MNAT1: variants seen among roughly 807,000 people sequenced by gnomAD.
MNAT1 encodes CDK-activating kinase assembly factor MAT1.
Under a neutral mutation model 42.0 loss-of-function variants are expected in MNAT1, and 43 were observed. That is an observed-to-expected ratio of 1.02 (90% CI 0.80 to 1.32). MNAT1 has a LOEUF of 1.32. Among genes scored for constraint, MNAT1 ranks in the 40% most tolerant of loss-of-function variants. MNAT1 has a pLI of 0.00. For synonymous variants in MNAT1, 118 were observed against 120.0 expected (o/e 0.98, Z 0.11); for missense variants, 306 against 350.4 (o/e 0.87, Z 1.01).
At chr14:60,768,969 A>AT (rs902039534) in intron 1 of MNAT1, among the ~76,000 whole-genome samples, 1 of 152,186 alleles carries the variant, frequency 6.6e-6, no homozygotes, top group Non-Finnish European at 1.5e-5. Flanking sequence ...TTTTTAAGTT[A>AT]TTTTTTTGCA....
At chr14:60,928,474 T>G (rs1278627000) in intron 7 of MNAT1, among the ~76,000 whole-genome samples, 2 of 152,230 alleles carry the variant, frequency 1.3e-5, no homozygotes, top group Non-Finnish European at 2.9e-5. Context: ...ACATTCCTAC[T>G]GGCATGAGGG....
At chr14:60,955,209 A>G (rs1487606921) in intron 7 of MNAT1, among the ~76,000 whole-genome samples, 1 of 152,120 alleles carries the variant, frequency 6.6e-6, no homozygotes, top group East Asian at 1.9e-4. Flanking sequence ...TATTAGGGTA[A>G]TGCAGGCCTC....
chr14:60,801,736 A>G (rs1279773810), intron 3 of MNAT1, among the ~76,000 whole-genome samples: 1 of 152,190 alleles, frequency 6.6e-6, no homozygotes, highest in Non-Finnish European at 1.5e-5. Context: ...GGGAATGTGA[A>G]TTAGTACAGC....
chr14:60,824,951 C>G (rs1247313516), intron 6 of MNAT1, among the ~76,000 whole-genome samples: 3 of 151,424 alleles, frequency 2.0e-5, no homozygotes, highest in East Asian at 3.9e-4. Flanking sequence ...TCACTTACCC[C>G]CACCCCATTG....
rs186265585 is a variant in MNAT1, at chr14:60,927,556, T to C, written c.810-40673T>C. Reference sequence around the variant, plus strand: ...ACAAGGGTGCCCTGTACTTGGAGTTTAATACTCTGTGGTTGTCATCTTGAA... The same window carrying C: ...ACAAGGGTGCCCTGTACTTGGAGTTCAATACTCTGTGGTTGTCATCTTGAA... On this transcript the variant is annotated intron_variant, in intron 7 of 7. Coordinates refer to ENST00000261245, the MANE Select transcript of MNAT1 (RefSeq NM_002431.4). Among the ~76,000 whole-genome samples the C allele has an allele frequency of 4.6e-5, 7 of 152,324 alleles. No homozygotes were observed. In the East Asian group the frequency reaches 1.4e-3, roughly 29 times the overall value.
In MNAT1 at chr14:60,838,943, C is replaced by T. The variant is rs907726194; in HGVS notation, c.687+20096C>T. 3.3e-5 allele frequency among the ~76,000 whole-genome samples: 5 copies of T among 152,288 alleles called. No individual in the cohort carries two copies. The South Asian group carries it at 8.3e-4, about 25-fold the overall frequency. ...ACCTGCCAGCCCCCTGTCACCTCAG[C>T]CCCCTCTGGACTTTGGGGAATGAGG... On this transcript the variant is annotated intron_variant, in intron 6 of 7. Coordinates refer to ENST00000261245, the MANE Select transcript of MNAT1 (RefSeq NM_002431.4).
At chr14:60,778,422 G>A (rs369226975) in intron 1 of MNAT1, among the ~76,000 whole-genome samples, 147 of 152,240 alleles carry the variant, frequency 9.7e-4, no homozygotes, top group African/African-American at 3.4e-3. Flanking sequence ...CCTAGTGGGG[G>A]AAGATCAAGT....
At chr14:60,893,047 G>C (rs905881046) in intron 7 of MNAT1, among the ~76,000 whole-genome samples, 1 of 151,934 alleles carries the variant, frequency 6.6e-6, no homozygotes, top group Non-Finnish European at 1.5e-5. Flanking sequence ...TTTTAAAAAA[G>C]ATATTAGTCT....
At chr14:60,888,143 C>A (rs1217977330) in intron 7 of MNAT1, among the ~76,000 whole-genome samples, 4 of 139,210 alleles carry the variant, frequency 2.9e-5, no homozygotes, top group East Asian at 2.1e-4. Flanking sequence ...GAGACACAAC[C>A]AAAAAAGAGA....
At chr14:60,882,377 C>A (rs995851264) in intron 7 of MNAT1, among the ~76,000 whole-genome samples, 8 of 152,130 alleles carry the variant, frequency 5.3e-5, no homozygotes, top group Non-Finnish European at 1.0e-4. Flanking sequence ...ATAATGACCA[C>A]CAGTTCCATG....
intron 1 of MNAT1, among the ~76,000 whole-genome samples, chr14:60,746,904 A>ATG (rs1896635201): frequency 1.5e-4 from 3 of 20,234 alleles, no homozygotes; most frequent in Admixed American, 6.7e-4. Context: ...TTTCATATAT[A>ATG]TATATATATA....
chr14:60,877,779 T>A (rs911981264), intron 6 of MNAT1, among the ~76,000 whole-genome samples: 1 of 152,102 alleles, frequency 6.6e-6, no homozygotes, highest in Non-Finnish European at 1.5e-5. Context: ...GATATATACC[T>A]GAGTGGCACT....
At chr14:60,915,879 T>C (rs2035501741) in intron 7 of MNAT1, among the ~76,000 whole-genome samples, 1 of 152,054 alleles carries the variant, frequency 6.6e-6, no homozygotes. Flanking sequence ...AGTAAAGGAG[T>C]CAGAAGCAAT....
intron 6 of MNAT1, among the ~76,000 whole-genome samples, chr14:60,823,597 G>A (rs1013660502): frequency 3.3e-5 from 5 of 152,012 alleles, no homozygotes; most frequent in South Asian, 4.2e-4. Context: ...GGTGGCTCAC[G>A]CCTATAATCC....
chr14:60,904,870 A>G (rs2035159746), intron 7 of MNAT1, among the ~76,000 whole-genome samples: 1 of 151,880 alleles, frequency 6.6e-6, no homozygotes, highest in Non-Finnish European at 1.5e-5. Context: ...TCGTGGTAGA[A>G]TTCAGTAGAT....
chr14:60,785,321 T>TA (rs750873583), intron 1 of MNAT1, among the ~76,000 whole-genome samples: 7 of 152,106 alleles, frequency 4.6e-5, no homozygotes, highest in Non-Finnish European at 1.0e-4. Context: ...ATCAGAAAAA[T>TA]AAAAAATTAC....
intron 1 of MNAT1, among the ~76,000 whole-genome samples, chr14:60,773,233 G>C (rs929782927): frequency 2.6e-5 from 4 of 152,078 alleles, no homozygotes; most frequent in African/African-American, 9.7e-5. Flanking sequence ...CACCACGCCT[G>C]GCCTGTTTTT....
In MNAT1 at chr14:60,820,465, A is replaced by G. The variant is rs1352779527; in HGVS notation, c.687+1618A>G. ...TAGTTCTCTTCCTTTTATAGTATAT[A>G]TAATATTAAAATAAGATCTGGCTTA... On this transcript the variant is annotated intron_variant, in intron 6 of 7. Transcript: ENST00000261245. 3.3e-5 allele frequency among the ~76,000 whole-genome samples: 5 copies of G among 151,680 alleles called. No individual in the cohort carries two copies. The East Asian group carries it at 9.7e-4, about 29-fold the overall frequency.
At chr14:60,847,566 T>C (rs2033712460) in intron 6 of MNAT1, among the ~76,000 whole-genome samples, 1 of 152,210 alleles carries the variant, frequency 6.6e-6, no homozygotes, top group African/African-American at 2.4e-5. Context: ...ATAGTCTTTG[T>C]TTTTATAGTG....
Sources: gnomAD v4.1 joint callset for allele counts (sites outside exome capture counted in the v4.1 genomes callset) on GRCh38, gnomAD v4.1.1 for gene constraint, MANE v1.5 for transcripts, NCBI Gene and HGNC (gene_info 2026-07-23, HGNC 2026-07-21) for gene names.